KCNT2: variants seen among roughly 807,000 people sequenced by gnomAD.
The protein encoded by KCNT2 is potassium sodium-activated channel subfamily T member 2, also known as potassium channel subfamily T member 2.
KCNT2 carries 67 observed loss-of-function variants against 153.8 expected under a neutral mutation model. The observed-to-expected ratio is 0.44, with a 90% CI of 0.36 to 0.53. The LOEUF (loss-of-function observed/expected upper bound fraction) is 0.53. Among genes scored for constraint, KCNT2 ranks in the 20% least tolerant of loss-of-function variants. The pLI is 0.00. For synonymous variants in KCNT2, 500 were observed against 458.8 expected (o/e 1.09, Z -1.15); for missense variants, 975 against 1,354.8 (o/e 0.72, Z 4.40).
chr1:196,288,677 G>T (rs1031296044), intron 22 of KCNT2, among the ~76,000 whole-genome samples: 2 of 152,094 alleles, frequency 1.3e-5, no homozygotes, highest in Non-Finnish European at 2.9e-5. Context: ...TATGATGATT[G>T]AATTTGGTAC....
At chr1:196,390,657 T>G (rs980559101) in intron 13 of KCNT2, among the ~76,000 whole-genome samples, 2 of 150,804 alleles carry the variant, frequency 1.3e-5, no homozygotes, top group African/African-American at 4.8e-5. Context: ...ATTTTATGCC[T>G]TTACCGAATA....
At chr1:196,355,491 T>C (rs1016249648) in intron 14 of KCNT2, among the ~76,000 whole-genome samples, 15 of 151,846 alleles carry the variant, frequency 9.9e-5, no homozygotes, top group African/African-American at 3.1e-4. Flanking sequence ...TTATTGACAG[T>C]GATCATAAAC....
rs571855276 is a variant in KCNT2, at chr1:196,480,939, T to A, written c.324+1392A>T. 4.2e-5 allele frequency among the ~76,000 whole-genome samples: 6 copies of A among 143,462 alleles called. No homozygotes were observed. The East Asian group carries it at 1.3e-3, about 32-fold the overall frequency. The allele number at this position is 143,462 out of a possible 152,430, so 94.1% of individuals were successfully genotyped here. On this transcript the variant is annotated intron_variant, in intron 4 of 27. Coordinates refer to ENST00000294725, the MANE Select transcript of KCNT2 (RefSeq NM_198503.5). ...TGTTTTAAAAAGCAATTTGAATAGA[T>A]CAAAATATATTTGAAGATAATATAT...
chr1:196,436,264 T>C (rs1202529247), intron 8 of KCNT2, among the ~76,000 whole-genome samples: 1 of 151,658 alleles, frequency 6.6e-6, no homozygotes, highest in Non-Finnish European at 1.5e-5. Flanking sequence ...ATATAAAGAC[T>C]TATTTTACTG....
chr1:196,232,516 A>C (rs1448158578), intron 27 of KCNT2, among the ~76,000 whole-genome samples: 1 of 151,652 alleles, frequency 6.6e-6, no homozygotes, highest in Admixed American at 6.6e-5. Flanking sequence ...ATAATTTATC[A>C]TTGTTCTGGT....
Position 196,427,771 on chromosome 1 carries a change from T to C in KCNT2, c.984+334A>G, listed in dbSNP as rs562129131. The stretch of plus-strand genomic sequence containing the variant: ...TTCTTTCTTGTTTTATTATATTTTA[T>C]CTTAAAATTCACTGTTCCATAAAAA... On this transcript the variant is annotated intron_variant, in intron 10 of 27. Transcript: ENST00000294725. Among the ~76,000 whole-genome samples the C allele has an allele frequency of 2.0e-5, 3 of 152,188 alleles. No individual in the cohort carries two copies. The South Asian group carries it at 6.2e-4, about 32-fold the overall frequency.
chr1:196,587,916 A>T (rs1662884290), intron 1 of KCNT2, among the ~76,000 whole-genome samples: 1 of 152,082 alleles, frequency 6.6e-6, no homozygotes, highest in Non-Finnish European at 1.5e-5. Context: ...ATATCTAATT[A>T]ATTTGAGAGA....
chr1:196,600,821 T>C (rs1383671577), intron 1 of KCNT2, among the ~76,000 whole-genome samples: 1 of 152,226 alleles, frequency 6.6e-6, no homozygotes, highest in Non-Finnish European at 1.5e-5. Flanking sequence ...AAGAAGTTTC[T>C]GGCCTTGCTT....
At chr1:196,311,008 T>G (rs1490483869) in intron 21 of KCNT2, among the ~76,000 whole-genome samples, 1 of 151,864 alleles carries the variant, frequency 6.6e-6, no homozygotes, top group African/African-American at 2.4e-5. Context: ...TGCCGCCATA[T>G]GGAATGTGCT....
At chr1:196,299,765 A>T (rs1661008005) in intron 22 of KCNT2, among the ~76,000 whole-genome samples, 1 of 152,224 alleles carries the variant, frequency 6.6e-6, no homozygotes, top group African/African-American at 2.4e-5. Flanking sequence ...ATCCAAAGGA[A>T]AGAAAATTAG....
intron 8 of KCNT2, among the ~76,000 whole-genome samples, chr1:196,438,928 C>T (rs1674972359): frequency 2.0e-5 from 3 of 151,772 alleles, no homozygotes; most frequent in South Asian, 2.1e-4. Context: ...TATTCATACT[C>T]ACTATTAAGA....
intron 11 of KCNT2, among the ~76,000 whole-genome samples, chr1:196,424,748 A>G (rs1342844487): frequency 6.6e-6 from 1 of 151,924 alleles, no homozygotes; most frequent in Non-Finnish European, 1.5e-5. Context: ...CAAAGGTAAC[A>G]TCAGAGTTCC....
intron 1 of KCNT2, among the ~76,000 whole-genome samples, chr1:196,570,067 TAAAAAAAAAA>T (rs199836975): frequency 1.5e-5 from 2 of 133,744 alleles, no homozygotes; most frequent in South Asian, 2.2e-4. Context: ...TGAGCTAGAG[TAAAAAAAAAA>T]AAAAAAAAAA....
intron 14 of KCNT2, among the ~76,000 whole-genome samples, chr1:196,369,307 A>T (rs539975994): frequency 3.0e-4 from 45 of 151,786 alleles, no homozygotes; most frequent in African/African-American, 4.1e-4. Flanking sequence ...TAAAGAATAA[A>T]TTTTTTTTTA....
chr1:196,260,194 A>G (rs984759113), intron 25 of KCNT2, among the ~76,000 whole-genome samples: 3 of 151,858 alleles, frequency 2.0e-5, no homozygotes, highest in Admixed American at 2.0e-4. Flanking sequence ...TTGATTTCCT[A>G]CAAATATGTG....
At chr1:196,557,611 A>G (rs1658855670) in intron 1 of KCNT2, among the ~76,000 whole-genome samples, 3 of 151,198 alleles carry the variant, frequency 2.0e-5, no homozygotes, top group Admixed American at 6.6e-5. Flanking sequence ...AGTCTGGCCC[A>G]TCATGTACAC....
In KCNT2 at chr1:196,517,040, A is replaced by G. The variant is rs553912222; in HGVS notation, c.96-24699T>C. Reference sequence around the variant, plus strand: ...TACAACTCCTGGGAGAGAGCTCCCAATGGGAGTGGGGATTGCCGTATTTGC... The same window carrying G: ...TACAACTCCTGGGAGAGAGCTCCCAGTGGGAGTGGGGATTGCCGTATTTGC... On this transcript the variant is annotated intron_variant, in intron 1 of 27. Transcript: ENST00000294725. Among the ~76,000 whole-genome samples the G allele has an allele frequency of 1.2e-4, 19 of 152,258 alleles. 1 individual carries two copies. The highest frequency in any genetic ancestry group is 3.4e-4 in the African/African-American group (14 of 41,556).
Position 196,516,387 on chromosome 1 carries a change from T to A in KCNT2, c.96-24046A>T, listed in dbSNP as rs370930170. On this transcript the variant is annotated intron_variant, in intron 1 of 27. Transcript: ENST00000294725. Reference sequence around the variant, plus strand: ...CAGCTAGACTGCTTTTTCACACGAGTCCCTGATCCCATTTTTCTTCCCTGG... The same window carrying A: ...CAGCTAGACTGCTTTTTCACACGAGACCCTGATCCCATTTTTCTTCCCTGG... Among the ~76,000 whole-genome samples the A allele has an allele frequency of 4.6e-5, 7 of 151,764 alleles. No homozygotes were observed. The East Asian group carries it at 1.4e-3, about 30-fold the overall frequency.
At chr1:196,251,022 G>A (rs945791703) in intron 26 of KCNT2, among the ~76,000 whole-genome samples, 8 of 151,992 alleles carry the variant, frequency 5.3e-5, no homozygotes. Context: ...ACTGTTGGTG[G>A]GAACGTAAAT....
Sources: gnomAD v4.1 joint callset for allele counts (sites outside exome capture counted in the v4.1 genomes callset) on GRCh38, gnomAD v4.1.1 for gene constraint, MANE v1.5 for transcripts, NCBI Gene and HGNC (gene_info 2026-07-23, HGNC 2026-07-21) for gene names.